The following JADE3 variants were observed in gnomAD, a reference collection of about 807,000 sequenced individuals.
JADE3 encodes jade family PHD finger 3, also known as protein Jade-3.
In JADE3, 2 loss-of-function variants were observed where a neutral mutation model predicts 50.1. The ratio of observed to expected loss-of-function variants is 0.04; its 90% CI spans 0.02 to 0.13. The LOEUF is 0.13. JADE3 is among the 10% of genes least tolerant of loss of function. The pLI is 1.00. For missense variants in JADE3, 475 were observed against 634.4 expected, an observed-to-expected ratio of 0.75 and a Z score of 2.70; for synonymous variants, 218 against 232.9, an observed-to-expected ratio of 0.94 and a Z score of 0.58.
intron 1 of JADE3, among the ~76,000 whole-genome samples, chrX:46,920,678 C>T (rs1214425193): frequency 5.3e-5 from 6 of 112,594 alleles, no homozygotes; most frequent in Middle Eastern, 4.6e-3. Flanking sequence ...TGTGATTCCA[C>T]GTATGGATGT....
At chrX:47,026,651 A>G (rs1928914905) in intron 5 of JADE3, among the ~76,000 whole-genome samples, 1 of 111,494 alleles carries the variant, frequency 9.0e-6, no homozygotes, top group African/African-American at 3.3e-5. Flanking sequence ...GCTTAAAGTA[A>G]ACTTTTTAAA....
chrX:47,014,455 G>A (rs988490678), intron 4 of JADE3, among the ~76,000 whole-genome samples: 5 of 111,403 alleles, frequency 4.5e-5, no homozygotes, highest in African/African-American at 1.6e-4. Context: ...ATTTCTTTGG[G>A]GCATTGTCCC....
intron 1 of JADE3, among the ~76,000 whole-genome samples, chrX:46,932,843 ATTG>A (rs1437689925): frequency 2.7e-5 from 3 of 111,807 alleles, no homozygotes; most frequent in African/African-American, 9.8e-5. Context: ...CTATCATGTT[ATTG>A]TTCTGTCTAT....
At chrX:46,959,323 G>T (rs1457617511) in intron 1 of JADE3, among the ~76,000 whole-genome samples, 2 of 112,317 alleles carry the variant, frequency 1.8e-5, no homozygotes, top group Non-Finnish European at 3.8e-5. Flanking sequence ...TGGCTGACTT[G>T]TCGACCTAGC....
At chrX:46,937,877 A>G (rs1252176391) in intron 1 of JADE3, among the ~76,000 whole-genome samples, 3 of 111,321 alleles carry the variant, frequency 2.7e-5, no homozygotes, top group African/African-American at 9.8e-5. Flanking sequence ...GCTGCTTGGG[A>G]GCTGAGGCAG....
At chrX:46,931,225 G>A (rs1171452504) in intron 1 of JADE3, among the ~76,000 whole-genome samples, 1 of 111,023 alleles carries the variant, frequency 9.0e-6, no homozygotes, top group Non-Finnish European at 1.9e-5. Context: ...CTCATTGCCA[G>A]CATATCTCCA....
At position 46,998,203 on chromosome X, in the gene JADE3, T is replaced by C. The variant is rs1928181344; in HGVS notation, c.210T>C (p.Asp70=). 1.8e-5 allele frequency: 22 copies of C among 1,206,367 alleles called. No individual in the cohort carries two copies. The highest frequency in any genetic ancestry group is 2.5e-5 in the Non-Finnish European group (22 of 891,206). ...INPDSYYLFA[D]TWKEEWEKGV... ...CTGATAGCTATTACCTCTTTGCTGA[T>C]ACATGGAAGGAAGAATGGGAAAAGG... Residue 70 remains aspartate, a synonymous_variant, in exon 4 of 11, where the codon GAT becomes GAC. Transcript: ENST00000614628.
chrX:47,020,159 C>T (rs1314553140), intron 4 of JADE3, among the ~76,000 whole-genome samples: 3 of 110,923 alleles, frequency 2.7e-5, no homozygotes, highest in African/African-American at 9.8e-5. Context: ...GGTGAAACCC[C>T]ATCTCTGCTA....
chrX:47,003,396 T>C (rs1928330576), intron 4 of JADE3, among the ~76,000 whole-genome samples: 1 of 109,043 alleles, frequency 9.2e-6, no homozygotes, highest in Admixed American at 1.0e-4. Flanking sequence ...CCAAATACAG[T>C]CACATTGGGG....
intron 4 of JADE3, among the ~76,000 whole-genome samples, chrX:47,013,881 T>TTCTTTAAG (rs1928616487): frequency 8.9e-6 from 1 of 112,180 alleles, no homozygotes; most frequent in South Asian, 3.7e-4. Flanking sequence ...GCAGATGTTA[T>TTCTTTAAG]CATTCTTTGG....
intron 3 of JADE3, among the ~76,000 whole-genome samples, chrX:46,989,567 C>T (rs1458818490): frequency 9.0e-6 from 1 of 111,592 alleles, no homozygotes; most frequent in African/African-American, 3.3e-5. Context: ...GAAATCTGCC[C>T]CCATTCAAAT....
At chrX:46,992,142 C>T in intron 3 of JADE3, among the ~76,000 whole-genome samples, 1 of 111,351 alleles carries the variant, frequency 9.0e-6, no homozygotes, top group Non-Finnish European at 1.9e-5. Flanking sequence ...CTTTTCCCTT[C>T]TCCCAGCAGT....
At chrX:46,918,864 A>G (rs189109101) in intron 1 of JADE3, among the ~76,000 whole-genome samples, 6 of 112,456 alleles carry the variant, frequency 5.3e-5, no homozygotes, top group Admixed American at 3.8e-4. Flanking sequence ...CACATTTGCT[A>G]TTGTCCCATA....
At chrX:47,034,474 A>G (rs1929090015) in intron 7 of JADE3, among the ~76,000 whole-genome samples, 1 of 111,951 alleles carries the variant, frequency 8.9e-6, no homozygotes, top group South Asian at 3.7e-4. Context: ...TTGTATGGAT[A>G]TACTCTGATT....
chrX:46,977,675 C>T (rs1556351903), intron 1 of JADE3, among the ~76,000 whole-genome samples: 1 of 111,880 alleles, frequency 8.9e-6, no homozygotes, highest in Non-Finnish European at 1.9e-5. Flanking sequence ...GAACCTGAGA[C>T]AGTATTCAAA....
chrX:47,009,633 T>C (rs1928511728), intron 4 of JADE3, among the ~76,000 whole-genome samples: 1 of 108,386 alleles, frequency 9.2e-6, no homozygotes, highest in Non-Finnish European at 1.9e-5. Context: ...TTTTTTTTCT[T>C]TTCATTTTTG....
At chrX:47,010,091 G>A (rs1470929715) in intron 4 of JADE3, among the ~76,000 whole-genome samples, 1 of 111,538 alleles carries the variant, frequency 9.0e-6, no homozygotes, top group African/African-American at 3.3e-5. Flanking sequence ...GGGAATGGGA[G>A]GTAGGGAAAT....
chrX:47,044,147 G>A (rs781795652), intron 8 of JADE3, among the ~76,000 whole-genome samples: 1 of 111,557 alleles, frequency 9.0e-6, no homozygotes, highest in South Asian at 3.7e-4. Context: ...CAAATGTAGA[G>A]AAATGTATAT....
chrX:46,985,738 C>T lies in JADE3; in HGVS notation c.72C>T (p.Gly24=). The change falls in exon 3 of 11, where the codon GGC becomes GGT. Residue 24 remains glycine (G), a synonymous_variant. Transcript: ENST00000614628. ...GTCCTTCCACTTCCTTTACTTCTGG[C>T]TCAATGTATAGGATCAAGTCAAAAA... is the stretch of plus-strand genomic sequence containing the variant. ...DESPSTSFTS[G]SMYRIKSKIP... 8.3e-7 allele frequency: 1 copy of T among 1,201,037 alleles called. No individual in the cohort carries two copies.
Sources: gnomAD v4.1 joint callset for allele counts (sites outside exome capture counted in the v4.1 genomes callset) on GRCh38, gnomAD v4.1.1 for gene constraint, MANE v1.5 for transcripts, NCBI Gene and HGNC (gene_info 2026-07-23, HGNC 2026-07-21) for gene names.